The following NF1 variants were observed in gnomAD, a reference collection of about 807,000 sequenced individuals.
The protein encoded by NF1 is neurofibromin 1.
A neutral mutation model predicts 325.7 loss-of-function variants in NF1; 122 were observed. The ratio of observed to expected loss-of-function variants is 0.37; its 90% confidence interval spans 0.32 to 0.44. The LOEUF is 0.44. Among genes scored for constraint, NF1 ranks in the 20% least tolerant of loss-of-function variants. The pLI is 1.00. For synonymous variants in NF1, 1,091 were observed against 1,186.0 expected (o/e 0.92, Z 1.65); for missense variants, 2,140 against 3,415.4 (o/e 0.63, Z 9.31).
chr17:31,325,110 A>G (rs574041026), intron 36 of NF1, among the ~76,000 whole-genome samples: 1 of 152,306 alleles, frequency 6.6e-6, no homozygotes, highest in Admixed American at 6.5e-5. Flanking sequence ...TAATCAAAAA[A>G]TGGTATTTAT....
rs184093650 is a variant in NF1, at chr17:31,356,162, C to A, written c.7616-298C>A. The A allele has an allele frequency of 5.3e-5, 17 of 318,630 alleles. No individual in the cohort carries two copies. In the East Asian group the frequency reaches 1.0e-3, roughly 19 times the overall value. 19.7% of individuals were successfully genotyped at this position (318,630 alleles called of 1,614,324 possible). On this transcript the variant is annotated intron_variant, in intron 51 of 57. Transcript: ENST00000358273. ...TACCATTGCATTTATTATCAGTTAT[C>A]ATATTTGTTGATTTACCTCCAGTGT...
At chr17:31,357,141 C>A (rs2151582755) in intron 53 of NF1, 51 bp downstream of exon 53, 4 of 1,610,584 alleles carry the variant, frequency 2.5e-6, no homozygotes, top group South Asian at 1.1e-5. Context: ...TTATTCCAGT[C>A]TACTTTTAGG....
chr17:31,095,389 C>T lies in NF1; in HGVS notation c.60+20C>T, dbSNP rs532628431. 2 of 1,535,612 alleles carry T rather than the reference C, an allele frequency of 1.3e-6. No homozygotes were observed. The highest frequency in any genetic ancestry group is 1.4e-5 in the African/African-American group (1 of 72,772). ...GAGCAGGTAACCGGCCCGTGGCGGG[C>T]GGGAGGTGGGAGCGGAGTGGGGGTG... On this transcript the variant is annotated intron_variant, in intron 1 of 57. Coordinates refer to ENST00000358273, the MANE Select transcript of NF1 (RefSeq NM_001042492.3).
At chr17:31,180,453 A>G (rs1159616368) in intron 5 of NF1, among the ~76,000 whole-genome samples, 1 of 152,242 alleles carries the variant, frequency 6.6e-6, no homozygotes, top group Non-Finnish European at 1.5e-5. Flanking sequence ...ATGCAAATCA[A>G]TGAAAGTAAT....
At chr17:31,144,308 T>C (rs748293643) in intron 1 of NF1, among the ~76,000 whole-genome samples, 2 of 152,246 alleles carry the variant, frequency 1.3e-5, no homozygotes, top group Non-Finnish European at 2.9e-5. Context: ...TAAGACTGTT[T>C]TCTAACATAC....
At chr17:31,317,161 G>A (rs2069041551) in intron 36 of NF1, among the ~76,000 whole-genome samples, 1 of 152,082 alleles carries the variant, frequency 6.6e-6, no homozygotes, top group Non-Finnish European at 1.5e-5. Context: ...TAAATGCCCA[G>A]TAAGGGATGA....
At chr17:31,234,731 G>T (rs1262767783) in intron 27 of NF1, among the ~76,000 whole-genome samples, 1 of 148,600 alleles carries the variant, frequency 6.7e-6, no homozygotes, top group Non-Finnish European at 1.5e-5. Context: ...AATTCGTTGA[G>T]TTTTATATTA....
At chr17:31,333,923 G>A (rs1471366395) in intron 39 of NF1, among the ~76,000 whole-genome samples, 1 of 152,162 alleles carries the variant, frequency 6.6e-6, no homozygotes, top group Non-Finnish European at 1.5e-5. Flanking sequence ...TACAATTTTT[G>A]TCTTATAAAT....
rs59547221 is a variant in NF1, at chr17:31,226,318, G to GACACAC, written c.2002-81_2002-76dup. 60,461 of 683,750 alleles carry GACACAC rather than the reference G, an allele frequency of 0.088. 1,313 individuals are homozygous for GACACAC. Among genetic ancestry groups the GACACAC allele is most frequent in the Admixed American group, 0.14 (5,725 of 41,444 alleles). 42.4% of individuals were successfully genotyped at this position (683,750 alleles called of 1,614,324 possible). ...GCTCTTGTGAGTTATTGTATGCGGA[G>GACACAC]ACACACACACACACACACACACACA... On this transcript the variant is annotated intron_variant, in intron 17 of 57. Coordinates refer to ENST00000358273, the MANE Select transcript of NF1 (RefSeq NM_001042492.3).
chr17:31,184,190 T>C (rs916621792), intron 8 of NF1, among the ~76,000 whole-genome samples: 5 of 152,192 alleles, frequency 3.3e-5, no homozygotes, highest in Non-Finnish European at 5.9e-5. Flanking sequence ...GTGAACTGTT[T>C]AGAGAGTTTG....
chr17:31,203,690 C>T (rs193194734), intron 11 of NF1, among the ~76,000 whole-genome samples: 52 of 152,178 alleles, frequency 3.4e-4, no homozygotes, highest in Admixed American at 2.7e-3. Flanking sequence ...TAAATTCATT[C>T]GTAGTGTAAA....
intron 1 of NF1, among the ~76,000 whole-genome samples, chr17:31,135,464 GT>G (rs17878767): frequency 0.017 from 2,500 of 151,366 alleles, 32 homozygotes; most frequent in Middle Eastern, 0.059. Context: ...CAGTCTGATG[GT>G]TTTTTTTTCT....
chr17:31,354,485 G>A lies in NF1; in HGVS notation c.7616-1975G>A, dbSNP rs181084557. The stretch of plus-strand genomic sequence containing the variant: ...TCGATTGGAAACGACTGTATGCCAT[G>A]GTAAGATATTTACCCTTATCACACA... On this transcript the variant is annotated intron_variant, in intron 51 of 57. Transcript: ENST00000358273. 1.5e-3 allele frequency among the ~76,000 whole-genome samples: 227 copies of A among 152,232 alleles called. 1 individual carries two copies. The highest frequency in any genetic ancestry group is 4.6e-3 in the South Asian group (22 of 4,826).
rs1597848149 is a variant in NF1, at chr17:31,340,595, C to T, written c.7012C>T (p.Leu2338Phe). Residue 2338 changes from leucine (L) to phenylalanine (F), a missense_variant, in exon 47 of 58, where the codon CTT (leucine) becomes TTT (phenylalanine). Coordinates refer to ENST00000358273, the MANE Select transcript of NF1 (RefSeq NM_001042492.3). ...VNLYSAGTAL[L>F]EQNLHTLDSL... ...CTTGTATTCAGCAGGTACCGCACTT[C>T]TTGAACAAAACCTGCATACTTTAGA... The T allele has an allele frequency of 6.2e-7, 1 of 1,614,176 alleles. No homozygotes were observed. Among genetic ancestry groups the T allele is most frequent in the Middle Eastern group, 1.6e-4 (1 of 6,062 alleles).
At chr17:31,162,258 C>A (rs1372629619) in intron 3 of NF1, among the ~76,000 whole-genome samples, 5 of 149,794 alleles carry the variant, frequency 3.3e-5, no homozygotes, top group African/African-American at 1.2e-4. Context: ...GGGCGGATCA[C>A]TTGAGGTCAG....
At chr17:31,350,389 G>T in intron 50 of NF1, 71 bp downstream of exon 50, 1 of 1,326,874 alleles carries the variant, frequency 7.5e-7, no homozygotes. Flanking sequence ...ATGGAGGCAA[G>T]CAGCAGAGTA....
chr17:31,287,703 G>A (rs954293748), intron 36 of NF1, among the ~76,000 whole-genome samples: 1 of 151,920 alleles, frequency 6.6e-6, no homozygotes, highest in Non-Finnish European at 1.5e-5. Context: ...GGGACTACAG[G>A]CACACGCCAC....
chr17:31,127,454 A>G (rs1191397575), intron 1 of NF1, among the ~76,000 whole-genome samples: 1 of 151,748 alleles, frequency 6.6e-6, no homozygotes, highest in Non-Finnish European at 1.5e-5. Flanking sequence ...AAGTTTTATA[A>G]TTTTCTCCTT....
chr17:31,262,482 G>A (rs934537677), intron 35 of NF1, among the ~76,000 whole-genome samples: 2 of 152,158 alleles, frequency 1.3e-5, no homozygotes, highest in African/African-American at 4.8e-5. Context: ...CCTTTCACAG[G>A]ACTTTATGCT....
Sources: allele counts gnomAD v4.1 joint callset (sites outside exome capture counted in the v4.1 genomes callset), GRCh38; gene constraint gnomAD v4.1.1; transcripts MANE v1.5; gene names NCBI Gene and HGNC (gene_info 2026-07-23, HGNC 2026-07-21).